HOOK3: variants seen among roughly 807,000 people sequenced by gnomAD.
HOOK3 encodes hook microtubule tethering protein 3, also known as protein Hook homolog 3.
HOOK3 carries 24 observed loss-of-function variants against 116.3 expected under a neutral mutation model. That is an observed-to-expected ratio of 0.21 (90% confidence interval 0.15 to 0.29). The LOEUF is 0.29. Among genes scored for constraint, HOOK3 ranks in the 10% least tolerant of loss-of-function variants. HOOK3 has a pLI of 1.00. For missense variants in HOOK3, 632 were observed against 830.2 expected (o/e 0.76, Z 2.93); for synonymous variants, 275 against 283.0 (o/e 0.97, Z 0.28).
rs567476262 is a variant in HOOK3 at position 42,943,053 on chromosome 8, G to C, written c.268-260G>C. ...AAGAGTATACACCTATTTCTTCTGG[G>C]AGTACTCAGGGTTTTTTTGTTTGTT... On this transcript the variant is annotated intron_variant, in intron 4 of 21. Coordinates refer to ENST00000307602, the MANE Select transcript of HOOK3 (RefSeq NM_032410.4). Among the ~76,000 whole-genome samples, 210 of 152,076 alleles carry C rather than the reference G, an allele frequency of 1.4e-3. No individual in the cohort carries two copies. In the South Asian group the frequency reaches 0.02, roughly 15 times the overall value.
In HOOK3 at chr8:43,024,570, A is replaced by G. The variant is rs1189917994; in HGVS notation, c.*6072A>G. 2.7e-5 allele frequency: 5 copies of G among 186,604 alleles called. No individual in the cohort carries two copies. Among genetic ancestry groups the G allele is most frequent in the Non-Finnish European group, 5.7e-5 (5 of 88,330 alleles). The allele number at this position is 186,604 out of a possible 1,614,324, so 11.6% of individuals were successfully genotyped here. A position where few individuals can be genotyped will look rare whatever the true frequency, so the allele number is the denominator to read the frequency against. On this transcript the variant is annotated 3_prime_UTR_variant, in exon 22 of 22. Transcript: ENST00000307602. ...TTCAGAGCTTATTCTTGATAACTAT[A>G]ATAATGATTTGAATGTTTTATATCA...
At chr8:42,964,188 C>A in intron 8 of HOOK3, 123 bp from the exon 9 acceptor site, 1 of 922,068 alleles carries the variant, frequency 1.1e-6, no homozygotes. Context: ...GCCTGGGCGA[C>A]AGTGAGACTC....
Position 42,901,053 on chromosome 8 carries a change from A to G in HOOK3, c.57+3865A>G, listed in dbSNP as rs186292085. Among the ~76,000 whole-genome samples, 282 of 152,344 alleles carry G rather than the reference A, an allele frequency of 1.9e-3. 2 individuals carry two copies. Among genetic ancestry groups the G allele is most frequent in the African/African-American group, 4.1e-3 (169 of 41,570 alleles). On this transcript the variant is annotated intron_variant, in intron 1 of 21. Coordinates refer to ENST00000307602, the MANE Select transcript of HOOK3 (RefSeq NM_032410.4). ...CTGTGTGGGCACTGCACTATGCGCT[A>G]TGTTTAATAGTAGCATCCCATTGCC...
chr8:42,898,708 A>G (rs1055751380), intron 1 of HOOK3, among the ~76,000 whole-genome samples: 3 of 152,232 alleles, frequency 2.0e-5, no homozygotes, highest in African/African-American at 7.2e-5. Context: ...AAATCTAGGG[A>G]GAAAGAAGAC....
At chr8:42,929,494 G>A (rs973341075) in intron 3 of HOOK3, among the ~76,000 whole-genome samples, 2 of 152,076 alleles carry the variant, frequency 1.3e-5, no homozygotes, top group Non-Finnish European at 2.9e-5. Context: ...TAACAAAACT[G>A]TATGAGTTGG....
chr8:42,980,108 G>A (rs879396698), intron 13 of HOOK3, among the ~76,000 whole-genome samples: 11 of 151,730 alleles, frequency 7.2e-5, no homozygotes, highest in South Asian at 2.1e-4. Flanking sequence ...AATTACAGGC[G>A]CCTGCCACCA....
chr8:42,964,573 T>C, intron 9 of HOOK3, 99 bp downstream of exon 9: 1 of 1,083,620 alleles, frequency 9.2e-7, no homozygotes, highest in Non-Finnish European at 1.3e-6. Flanking sequence ...ATGCCTGGAA[T>C]CCCAGCACTT....
intron 16 of HOOK3, 63 bp from the exon 17 acceptor site, chr8:43,002,044 A>G (rs777233436): frequency 2.5e-5 from 28 of 1,135,454 alleles, no homozygotes; most frequent in Non-Finnish European, 3.6e-5. Flanking sequence ...CTTTTAACTT[A>G]AAAGAAAATA....
At chr8:43,002,785 C>G (rs1168120540) in intron 17 of HOOK3, among the ~76,000 whole-genome samples, 1 of 152,170 alleles carries the variant, frequency 6.6e-6, no homozygotes, top group South Asian at 2.1e-4. Context: ...TCAAGTGATC[C>G]TCCTGCTGCA....
chr8:42,985,253 A>G (rs1563307819), intron 14 of HOOK3, among the ~76,000 whole-genome samples: 1 of 152,238 alleles, frequency 6.6e-6, no homozygotes. Flanking sequence ...CCAAGGATAT[A>G]CAGAGAAGTA....
rs910779118 is a variant in HOOK3, at chr8:42,949,915, A to C, written c.401-473A>C. 3.5e-5 allele frequency among the ~76,000 whole-genome samples: 5 copies of C among 140,860 alleles called. No homozygotes were observed. The South Asian group carries it at 1.1e-3, about 31-fold the overall frequency. The allele number at this position is 140,860 out of a possible 152,430, so 92.4% of individuals were successfully genotyped here. A position where few individuals can be genotyped will look rare whatever the true frequency, so the allele number is the denominator to read the frequency against. ...CTGGCGACAGAGTGAGACTCTGTCT[A>C]AAAAAAAAAAAAAAGGAAATATTAA... is the stretch of plus-strand genomic sequence containing the variant. On this transcript the variant is annotated intron_variant, in intron 5 of 21. Coordinates refer to ENST00000307602, the MANE Select transcript of HOOK3 (RefSeq NM_032410.4).
intron 5 of HOOK3, among the ~76,000 whole-genome samples, chr8:42,948,461 G>A (rs374653964): frequency 6.6e-6 from 1 of 152,146 alleles, no homozygotes; most frequent in East Asian, 1.9e-4. Context: ...CGGTGTTCGC[G>A]GGGAAGGGCC....
intron 8 of HOOK3, among the ~76,000 whole-genome samples, chr8:42,962,798 T>TC (rs1554512589): frequency 1.9e-3 from 251 of 131,198 alleles, no homozygotes; most frequent in African/African-American, 7.3e-3. Context: ...TTCTTCTTCT[T>TC]TTTTTTTTTT....
intron 15 of HOOK3, 109 bp downstream of exon 15, chr8:42,986,904 C>A: frequency 2.5e-6 from 3 of 1,197,184 alleles, no homozygotes; most frequent in Non-Finnish European, 3.6e-6. Flanking sequence ...CGCCTGTAAT[C>A]CCAGCACTTT....
At chr8:42,998,662 A>T (rs1056128552) in intron 16 of HOOK3, among the ~76,000 whole-genome samples, 1 of 151,972 alleles carries the variant, frequency 6.6e-6, no homozygotes, top group Admixed American at 6.6e-5. Context: ...TTCTCCAGAC[A>T]TCATCTCATG....
chr8:42,961,567 A>G (rs907963649), intron 8 of HOOK3, among the ~76,000 whole-genome samples: 7 of 152,236 alleles, frequency 4.6e-5, no homozygotes, highest in Non-Finnish European at 7.3e-5. Flanking sequence ...TCAAGTTGCT[A>G]TAATCAAACA....
chr8:42,938,759 CG>C (rs1808028696), intron 4 of HOOK3, among the ~76,000 whole-genome samples: 1 of 151,126 alleles, frequency 6.6e-6, no homozygotes, highest in East Asian at 1.9e-4. Context: ...GGGTGTTTCT[CG>C]CAGAGGGGGA....
At chr8:43,016,868 A>T (rs2130495340) in intron 21 of HOOK3, among the ~76,000 whole-genome samples, 1 of 152,264 alleles carries the variant, frequency 6.6e-6, no homozygotes, top group South Asian at 2.1e-4. Context: ...ATAGACTGAA[A>T]TTGTATTAAA....
intron 6 of HOOK3, among the ~76,000 whole-genome samples, chr8:42,951,366 A>AT (rs1808342699): frequency 6.6e-6 from 1 of 152,130 alleles, no homozygotes; most frequent in East Asian, 1.9e-4. Context: ...CCGGCCAAAT[A>AT]ATATCTATCT....
Sources: gnomAD v4.1 joint callset for allele counts (sites outside exome capture counted in the v4.1 genomes callset) on GRCh38, gnomAD v4.1.1 for gene constraint, MANE v1.5 for transcripts, NCBI Gene and HGNC (gene_info 2026-07-23, HGNC 2026-07-21) for gene names.